Variants in TSPAN9 observed in about 807,000 individuals in gnomAD.
TSPAN9 encodes tetraspanin-9.
TSPAN9 carries 16 observed loss-of-function variants against 31.0 expected under a neutral mutation model. The observed-to-expected ratio is 0.52, with a 90% CI of 0.35 to 0.78. The LOEUF (loss-of-function observed/expected upper bound fraction) is 0.78. Among genes scored for constraint, TSPAN9 ranks in the 30% least tolerant of loss-of-function variants. The pLI is 0.01. For synonymous variants in TSPAN9, 145 were observed against 121.6 expected (o/e 1.19, Z -1.27); for missense variants, 272 against 312.5 (o/e 0.87, Z 0.98).
chr12:3,109,307 A>AGAGTGAGAGT (rs560687812), intron 2 of TSPAN9, among the ~76,000 whole-genome samples: 1 of 143,208 alleles, frequency 7.0e-6, no homozygotes, highest in African/African-American at 2.8e-5. Flanking sequence ...TGTGAGAGAG[A>AGAGTGAGAGT]GTGTGTGTGT....
At chr12:3,136,651 C>T (rs578015669) in intron 2 of TSPAN9, among the ~76,000 whole-genome samples, 1 of 152,256 alleles carries the variant, frequency 6.6e-6, no homozygotes, top group South Asian at 2.1e-4. Flanking sequence ...GTCAGGGCAA[C>T]TGTCAGAAAA....
chr12:3,134,434 A>C (rs898193121), intron 2 of TSPAN9, among the ~76,000 whole-genome samples: 1 of 152,194 alleles, frequency 6.6e-6, no homozygotes, highest in African/African-American at 2.4e-5. Context: ...GGAGGGAAGA[A>C]ACTTGCCAGT....
At chr12:3,261,757 T>G (rs757077340) in intron 3 of TSPAN9, among the ~76,000 whole-genome samples, 2 of 152,172 alleles carry the variant, frequency 1.3e-5, no homozygotes, top group Non-Finnish European at 2.9e-5. Context: ...AAAGAAGCCC[T>G]GAGGGGTACC....
At chr12:3,212,681 A>G (rs564745595) in intron 3 of TSPAN9, among the ~76,000 whole-genome samples, 1 of 152,268 alleles carries the variant, frequency 6.6e-6, no homozygotes, top group South Asian at 2.1e-4. Context: ...CAGAGGTGAG[A>G]GGATGGAGGA....
intron 2 of TSPAN9, among the ~76,000 whole-genome samples, chr12:3,139,248 G>A (rs1034805508): frequency 1.3e-5 from 2 of 152,226 alleles, no homozygotes; most frequent in African/African-American, 2.4e-5. Flanking sequence ...GAAATCCTTG[G>A]CAGGGTTGTT....
rs1436012102 is a variant in TSPAN9 at position 3,171,677 on chromosome 12, A to C, written c.-17-29500A>C. 2.0e-5 allele frequency: 3 copies of C among 152,184 alleles called. No homozygotes were observed. In the East Asian group the frequency reaches 5.8e-4, roughly 29 times the overall value. 9.4% of individuals were successfully genotyped at this position (152,184 alleles called of 1,614,324 possible). A position where few individuals can be genotyped will look rare whatever the true frequency, so the allele number is the denominator to read the frequency against. On this transcript the variant is annotated intron_variant, in intron 2 of 8. Transcript: ENST00000011898. ...TCAGCATTCATTCATTTACTGCCAA[A>C]TTTCTTGATGAACTGCTATTGACAG...
chr12:3,230,109 C>G (rs1254870934), intron 3 of TSPAN9, among the ~76,000 whole-genome samples: 1 of 152,168 alleles, frequency 6.6e-6, no homozygotes, highest in African/African-American at 2.4e-5. Flanking sequence ...AGCAGAAAAC[C>G]TACTAGCTGG....
rs1308678084 is a variant in TSPAN9 at position 3,280,822 on chromosome 12, A to G, written c.432+339A>G. ...CTGGCTCTAGGAGGAGAACAAGTCC[A>G]TAGTCCCAGATGCTCCCATTTTAAG... On this transcript the variant is annotated intron_variant, in intron 6 of 8. Transcript: ENST00000011898. The surrounding 1 kb of genome is among the most constrained non-coding windows in gnomAD (Gnocchi z 4.5). Among the ~76,000 whole-genome samples, 4 of 152,166 alleles carry G rather than the reference A, an allele frequency of 2.6e-5. No individual in the cohort carries two copies. The highest frequency in any genetic ancestry group is 6.5e-5 in the Admixed American group (1 of 15,282).
At chr12:3,090,277 T>C (rs1337174132) in intron 2 of TSPAN9, among the ~76,000 whole-genome samples, 2 of 152,254 alleles carry the variant, frequency 1.3e-5, no homozygotes, top group Non-Finnish European at 2.9e-5. Flanking sequence ...AGGTCTATGC[T>C]GCATAGACCA....
At chr12:3,228,090 T>C (rs965660817) in intron 3 of TSPAN9, among the ~76,000 whole-genome samples, 1 of 152,222 alleles carries the variant, frequency 6.6e-6, no homozygotes. Context: ...GGCTCATGTC[T>C]GTAATCCCAT....
chr12:3,235,221 T>A (rs1472192125), intron 3 of TSPAN9, among the ~76,000 whole-genome samples: 71 of 5,818 alleles, frequency 0.012, 8 homozygotes, highest in East Asian at 0.022. Flanking sequence ...AAAAAAAATA[T>A]ATATATATAT....
At chr12:3,112,220 C>T (rs1376921833) in intron 2 of TSPAN9, among the ~76,000 whole-genome samples, 1 of 148,016 alleles carries the variant, frequency 6.8e-6, no homozygotes, top group African/African-American at 2.5e-5. Context: ...TCTTGTTGCC[C>T]AGGATGGAGT....
chr12:3,102,044 G>A (rs1292434522), intron 2 of TSPAN9, among the ~76,000 whole-genome samples: 1 of 152,210 alleles, frequency 6.6e-6, no homozygotes, highest in East Asian at 1.9e-4. Flanking sequence ...GCTGCACATT[G>A]TAGAGGCTCA....
At chr12:3,198,272 C>T (rs1280135576) in intron 2 of TSPAN9, among the ~76,000 whole-genome samples, 5 of 102,076 alleles carry the variant, frequency 4.9e-5, no homozygotes, top group Admixed American at 1.0e-4. Context: ...CCAGCACAGG[C>T]CACCACCAGC....
At chr12:3,088,547 G>C (rs1480679281) in intron 2 of TSPAN9, among the ~76,000 whole-genome samples, 1 of 152,210 alleles carries the variant, frequency 6.6e-6, no homozygotes, top group Non-Finnish European at 1.5e-5. Flanking sequence ...GGCTCAGCCT[G>C]CCCCCACTGT....
At chr12:3,194,795 G>A (rs999214162) in intron 2 of TSPAN9, among the ~76,000 whole-genome samples, 4 of 152,072 alleles carry the variant, frequency 2.6e-5, no homozygotes, top group African/African-American at 4.8e-5. Flanking sequence ...CGATGTTACC[G>A]TCCTTCCTGA....
chr12:3,221,466 C>G (rs778892410), intron 3 of TSPAN9, among the ~76,000 whole-genome samples: 8 of 148,716 alleles, frequency 5.4e-5, no homozygotes, highest in Non-Finnish European at 1.0e-4. Flanking sequence ...TCAAGTGATT[C>G]TCCTGCCTCA....
Position 3,280,524 on chromosome 12 carries a change from G to A in TSPAN9, c.432+41G>A, listed in dbSNP as rs189755506. The A allele has an allele frequency of 1.8e-5, 28 of 1,577,690 alleles. No homozygotes were observed. Among genetic ancestry groups the A allele is most frequent in the African/African-American group, 1.7e-4 (13 of 74,288 alleles). On this transcript the variant is annotated intron_variant, in intron 6 of 8. Transcript: ENST00000011898. The surrounding 1 kb of genome is among the most constrained non-coding windows in gnomAD (Gnocchi z 4.5). ...CCCTGGTGGGGCCAGGCAGGGAGGAGGGGTGGCGGCCGGTACTTCTAGCTG... is the reference window on the plus strand; with the variant it reads ...CCCTGGTGGGGCCAGGCAGGGAGGAAGGGTGGCGGCCGGTACTTCTAGCTG...
chr12:3,087,713 G>A (rs2098301306), intron 2 of TSPAN9, among the ~76,000 whole-genome samples: 1 of 152,166 alleles, frequency 6.6e-6, no homozygotes, highest in South Asian at 2.1e-4. Flanking sequence ...GGCTGAGGCA[G>A]GAGAATTGCT....
Sources: gnomAD v4.1 joint callset for allele counts (sites outside exome capture counted in the v4.1 genomes callset) on GRCh38, gnomAD v4.1.1 for gene constraint, Gnocchi (gnomAD v3.1) non-coding constraint, MANE v1.5 for transcripts, NCBI Gene and HGNC (gene_info 2026-07-23, HGNC 2026-07-21) for gene names.